Variants in TULP3 observed in about 807,000 individuals in gnomAD.
TULP3 encodes tubby-related protein 3.
Under a neutral mutation model 50.7 loss-of-function variants are expected in TULP3, and 38 were observed. The observed-to-expected ratio is 0.75, with a 90% CI of 0.58 to 0.98. The LOEUF is 0.98. Ranked by LOEUF, TULP3 falls within the 50% of genes least tolerant of loss-of-function variation. TULP3 has a pLI of 0.00. For synonymous variants in TULP3, 183 were observed against 196.6 expected (o/e 0.93, Z 0.58); for missense variants, 550 against 568.0 (o/e 0.97, Z 0.32).
chr12:2,891,080 G>T, intron 1 of TULP3, 92 bp downstream of exon 1: 1 of 1,386,870 alleles, frequency 7.2e-7, no homozygotes, highest in Non-Finnish European at 9.5e-7. Flanking sequence ...TGCGGGGAGA[G>T]GGCGGGACTC....
chr12:2,895,496 T>C (rs1247639612), intron 1 of TULP3, among the ~76,000 whole-genome samples: 1 of 152,250 alleles, frequency 6.6e-6, no homozygotes, highest in Non-Finnish European at 1.5e-5. Flanking sequence ...CAATATTTTG[T>C]TCAAGCCAGA....
rs956698278 is a variant in TULP3, at chr12:2,916,583, C to T, written c.94-4180C>T. Among the ~76,000 whole-genome samples, 3 of 152,196 alleles carry T rather than the reference C, an allele frequency of 2.0e-5. No individual in the cohort carries two copies. In the East Asian group the frequency reaches 5.8e-4, roughly 29 times the overall value. On this transcript the variant is annotated intron_variant, in intron 2 of 10. Transcript: ENST00000448120. ...GCATCTAACCATCAGCTCTGGCTTT[C>T]TTCCTGGCTCCCTGACTTACTCTAT...
intron 8 of TULP3, among the ~76,000 whole-genome samples, chr12:2,937,255 C>T (rs34249405): frequency 0.19 from 19,745 of 105,186 alleles, 1,953 homozygotes; most frequent in Middle Eastern, 0.31. Flanking sequence ...TCACTCTTGT[C>T]GCCCAGGCTG....
rs767729549 is a variant in TULP3 at position 2,938,228 on chromosome 12, C to T, written c.1138C>T (p.Arg380Cys). Residue 380 changes from arginine to cysteine, a missense_variant, in exon 10 of 11, where the codon CGT becomes TGT. By Grantham distance (180) the Arg-to-Cys change is radical. Coordinates refer to ENST00000448120, the MANE Select transcript of TULP3 (RefSeq NM_003324.5). ...CACTCAGTCCTATGTCCTCAACTTC[C>T]GTGGCCGGGTCACTCAGGCGTCTGT... ...SDTQSYVLNF[R>C]GRVTQASVKN... is the part of the protein sequence containing the mutation. 8 of 1,614,160 alleles carry T rather than the reference C, an allele frequency of 5.0e-6. No individual in the cohort carries two copies. The highest frequency in any genetic ancestry group is 1.7e-4 in the Middle Eastern group (1 of 6,060).
At chr12:2,910,941 TATTTTTATTC>T (rs2098185100) in intron 2 of TULP3, among the ~76,000 whole-genome samples, 1 of 152,232 alleles carries the variant, frequency 6.6e-6, no homozygotes. Context: ...ATCTTTGATT[TATTTTTATTC>T]ATTTTTATTC....
chr12:2,940,265 G>A lies in TULP3; in HGVS notation c.*821G>A. On this transcript the variant is annotated 3_prime_UTR_variant, in exon 11 of 11. Coordinates refer to ENST00000448120, the MANE Select transcript of TULP3 (RefSeq NM_003324.5). ...CGACACACACACCTGTAGGCATCCT[G>A]TGCAAACACTTTGTCATTATCAAGA... 1 of 1,393,064 alleles carries A rather than the reference G, an allele frequency of 7.2e-7. No homozygotes were observed. Among genetic ancestry groups the A allele is most frequent in the Non-Finnish European group, 9.5e-7 (1 of 1,057,914 alleles). The allele number at this position is 1,393,064 out of a possible 1,614,324, so 86.3% of individuals were successfully genotyped here.
At chr12:2,915,580 C>A in intron 2 of TULP3, among the ~76,000 whole-genome samples, 1 of 149,786 alleles carries the variant, frequency 6.7e-6, no homozygotes, top group Admixed American at 6.7e-5. Context: ...CGTTCTGTCG[C>A]CAGGCTGGAG....
chr12:2,892,612 A>G (rs2098172821), intron 1 of TULP3, among the ~76,000 whole-genome samples: 1 of 151,966 alleles, frequency 6.6e-6, no homozygotes, highest in Admixed American at 6.6e-5. Flanking sequence ...CCCGGGTTCA[A>G]GTGATTCTCC....
intron 4 of TULP3, 74 bp downstream of exon 4, chr12:2,922,476 G>A: frequency 6.5e-7 from 1 of 1,549,408 alleles, no homozygotes; most frequent in East Asian, 2.3e-5. Flanking sequence ...TTTTCATTGT[G>A]GGTAACAATC....
intron 1 of TULP3, among the ~76,000 whole-genome samples, chr12:2,900,855 A>G (rs933614740): frequency 6.7e-6 from 1 of 149,670 alleles, no homozygotes; most frequent in Non-Finnish European, 1.5e-5. Flanking sequence ...AACTATAGGC[A>G]TGCGCAACCA....
At chr12:2,898,736 G>C (rs1374680423) in intron 1 of TULP3, among the ~76,000 whole-genome samples, 10 of 152,094 alleles carry the variant, frequency 6.6e-5, no homozygotes, top group African/African-American at 1.9e-4. Flanking sequence ...GCTGAGTGCA[G>C]TGGTGCAGTC....
chr12:2,906,351 A>C (rs2098182229), intron 1 of TULP3, among the ~76,000 whole-genome samples: 1 of 150,068 alleles, frequency 6.7e-6, no homozygotes, highest in Non-Finnish European at 1.5e-5. Context: ...TTTGAGACGG[A>C]GTCCCGCTCT....
chr12:2,937,998 T>TC lies in TULP3; in HGVS notation c.1024-115dup, dbSNP rs2098202470. 9 of 1,188,376 alleles carry TC rather than the reference T, an allele frequency of 7.6e-6. No individual in the cohort carries two copies. The South Asian group carries it at 1.4e-4, about 18-fold the overall frequency. 73.6% of individuals were successfully genotyped at this position (1,188,376 alleles called of 1,614,324 possible). On this transcript the variant is annotated intron_variant, in intron 9 of 10. Transcript: ENST00000448120. ...AAAAACCTGTCTTCATTGTTGGCTT[T>TC]CATTCTTCGCTTCTGGTTTACCCTT...
intron 2 of TULP3, among the ~76,000 whole-genome samples, chr12:2,912,403 G>A (rs59575256): frequency 0.044 from 6,701 of 152,248 alleles, 276 homozygotes; most frequent in African/African-American, 0.1. Flanking sequence ...TCCAGAGTAG[G>A]CCAGCCTGCC....
Position 2,940,433 on chromosome 12 carries a change from A to G in TULP3, c.*989A>G. Reference sequence around the variant, plus strand: ...GTGGACTTTCTTCTCGGCTCCCTCAACCCTGGCTCAGGCACAGAAGGTGTT... The same window carrying G: ...GTGGACTTTCTTCTCGGCTCCCTCAGCCCTGGCTCAGGCACAGAAGGTGTT... On this transcript the variant is annotated 3_prime_UTR_variant, in exon 11 of 11. Coordinates refer to ENST00000448120, the MANE Select transcript of TULP3 (RefSeq NM_003324.5). 6.8e-7 allele frequency: 1 copy of G among 1,474,374 alleles called. No individual in the cohort carries two copies. Among genetic ancestry groups the G allele is most frequent in the Non-Finnish European group, 9.0e-7 (1 of 1,112,230 alleles). 91.3% of individuals were successfully genotyped at this position (1,474,374 alleles called of 1,614,324 possible).
intron 1 of TULP3, among the ~76,000 whole-genome samples, chr12:2,903,703 C>G (rs2098180556): frequency 6.6e-6 from 1 of 152,064 alleles, no homozygotes; most frequent in South Asian, 2.1e-4. Context: ...TTTAGACTTA[C>G]AGAAAATTTG....
At chr12:2,903,398 A>G (rs1335795165) in intron 1 of TULP3, among the ~76,000 whole-genome samples, 3 of 151,728 alleles carry the variant, frequency 2.0e-5, no homozygotes, top group African/African-American at 7.3e-5. Flanking sequence ...CCCCGTCTCC[A>G]CTAAAAATAC....
chr12:2,921,071 T>C (rs2098191402), intron 3 of TULP3, 149 bp downstream of exon 3: 8 of 918,872 alleles, frequency 8.7e-6, no homozygotes, highest in Admixed American at 2.8e-5. Flanking sequence ...TTTGGGGTCT[T>C]TGAGGAGAAT....
intron 4 of TULP3, among the ~76,000 whole-genome samples, chr12:2,922,848 A>G (rs1298799276): frequency 1.5e-5 from 2 of 131,782 alleles, no homozygotes; most frequent in Admixed American, 7.9e-5. Flanking sequence ...TCCTTTTTAG[A>G]AAAATAATTT....
Sources: gnomAD v4.1 joint callset for allele counts (sites outside exome capture counted in the v4.1 genomes callset) on GRCh38, gnomAD v4.1.1 for gene constraint, MANE v1.5 for transcripts, NCBI Gene and HGNC (gene_info 2026-07-23, HGNC 2026-07-21) for gene names.